Variants in WWOX observed in about 807,000 individuals in gnomAD.
WWOX encodes the protein WW domain containing oxidoreductase.
Under a neutral mutation model 46.2 loss-of-function variants are expected in WWOX, and 69 were observed. The observed-to-expected ratio is 1.49, with a 90% confidence interval of 1.23 to 1.82. WWOX has a LOEUF of 1.82. Ranked by LOEUF, WWOX falls within the 40% of genes most tolerant of loss-of-function variation. The pLI, the probability that WWOX is intolerant of heterozygous loss-of-function variation, is 0.00. For synonymous variants in WWOX, 359 were observed against 202.6 expected (o/e 1.77, Z -6.56); for missense variants, 919 against 542.6 (o/e 1.69, Z -6.89).
intron 7 of WWOX, among the ~76,000 whole-genome samples, chr16:78,428,335 G>T (rs190726911): frequency 6.6e-6 from 1 of 152,210 alleles, no homozygotes; most frequent in African/African-American, 2.4e-5. Flanking sequence ...TCAGGAAGCC[G>T]TTTCTGGCTC....
At chr16:78,840,508 C>G (rs1034980483) in intron 8 of WWOX, among the ~76,000 whole-genome samples, 1 of 152,152 alleles carries the variant, frequency 6.6e-6, no homozygotes, top group African/African-American at 2.4e-5. Context: ...TATGTAGTGT[C>G]TACAGAGCCA....
intron 8 of WWOX, among the ~76,000 whole-genome samples, chr16:78,738,267 ATAT>A (rs2049135295): frequency 6.6e-6 from 1 of 152,106 alleles, no homozygotes; most frequent in African/African-American, 2.4e-5. Flanking sequence ...CCCCTTTCTA[ATAT>A]TATATATTAG....
chr16:78,760,293 A>G (rs964986114), intron 8 of WWOX, among the ~76,000 whole-genome samples: 1 of 152,190 alleles, frequency 6.6e-6, no homozygotes, highest in African/African-American at 2.4e-5. Context: ...TGATTCAATT[A>G]TCTCCCACCA....
chr16:78,290,130 T>G, intron 5 of WWOX, among the ~76,000 whole-genome samples: 1 of 152,192 alleles, frequency 6.6e-6, no homozygotes, highest in East Asian at 1.9e-4. Context: ...TGACAGTGTC[T>G]TTAGTGCATT....
At chr16:78,882,935 C>T (rs2044374510) in intron 8 of WWOX, among the ~76,000 whole-genome samples, 1 of 151,942 alleles carries the variant, frequency 6.6e-6, no homozygotes, top group Admixed American at 6.6e-5. Context: ...CAGGAACCGG[C>T]ACCAGCGATG....
At chr16:79,049,053 G>A (rs1297103162) in intron 8 of WWOX, among the ~76,000 whole-genome samples, 1 of 152,200 alleles carries the variant, frequency 6.6e-6, no homozygotes, top group South Asian at 2.1e-4. Flanking sequence ...AAAGCGACAA[G>A]GTTTCTATCC....
At chr16:78,571,673 A>G (rs912573719) in intron 8 of WWOX, among the ~76,000 whole-genome samples, 1 of 152,188 alleles carries the variant, frequency 6.6e-6, no homozygotes, top group Non-Finnish European at 1.5e-5. Context: ...GCTCCAGACC[A>G]GCCTGGCCAA....
At chr16:78,450,169 A>G (rs8062267) in intron 8 of WWOX, among the ~76,000 whole-genome samples, 8,052 of 152,280 alleles carry the variant, frequency 0.053, 376 homozygotes, top group African/African-American at 0.12. Flanking sequence ...GCAAAATTCA[A>G]ATTTCCCCTA....
chr16:78,691,320 C>A (rs1329793315), intron 8 of WWOX: 1 of 700,132 alleles, frequency 1.4e-6, no homozygotes, highest in Non-Finnish European at 2.6e-6. Flanking sequence ...AAAAGATTTA[C>A]AATTATTTCA....
intron 8 of WWOX, among the ~76,000 whole-genome samples, chr16:78,538,165 C>G (rs1425149665): frequency 2.1e-5 from 3 of 141,284 alleles, no homozygotes; most frequent in Admixed American, 1.5e-4. Context: ...AGTCCATTCT[C>G]TAGCCTTCTG....
intron 5 of WWOX, among the ~76,000 whole-genome samples, chr16:78,265,476 C>T (rs951694638): frequency 4.6e-5 from 7 of 151,782 alleles, no homozygotes; most frequent in African/African-American, 1.7e-4. Flanking sequence ...GTCAGGAGTT[C>T]GAGACCAGCC....
At chr16:79,180,851 C>G (rs541524918) in intron 8 of WWOX, among the ~76,000 whole-genome samples, 3 of 152,152 alleles carry the variant, frequency 2.0e-5, no homozygotes, top group East Asian at 3.9e-4. Flanking sequence ...TGCAAGAAAC[C>G]TTGACAAAAT....
chr16:78,449,274 A>G (rs1354850315), intron 8 of WWOX, among the ~76,000 whole-genome samples: 2 of 152,192 alleles, frequency 1.3e-5, no homozygotes. Flanking sequence ...GTAAAATGAA[A>G]GTCACAGTTC....
intron 8 of WWOX, among the ~76,000 whole-genome samples, chr16:79,187,305 C>T (rs181323356): frequency 5.9e-5 from 9 of 152,264 alleles, no homozygotes; most frequent in South Asian, 2.1e-4. Flanking sequence ...GAAAGAATAT[C>T]GTGGTGCCCC....
At chr16:78,653,536 A>G (rs2047012512) in intron 8 of WWOX, among the ~76,000 whole-genome samples, 3 of 152,252 alleles carry the variant, frequency 2.0e-5, no homozygotes, top group Non-Finnish European at 2.9e-5. Flanking sequence ...TCCTACTCCT[A>G]AAAGAGATAC....
At position 78,164,186 on chromosome 16, in the gene WWOX, T is replaced by C. The variant is rs1426341113; in HGVS notation, c.413T>C (p.Phe138Ser). ...TTGACTTTCCTTTAAACCATAGGGT[T>C]CGAAACCGCCAAGTCTTTTGCCCTC... ...VVTGANSGIG[F>S]ETAKSFALHG... Residue 138 changes from phenylalanine (F) to serine (S), a missense_variant, in exon 5 of 9, where the codon TTC becomes TCC. Phe to Ser is a radical substitution (Grantham distance 155). Coordinates refer to ENST00000566780, the MANE Select transcript of WWOX (RefSeq NM_016373.4). 6.2e-7 allele frequency: 1 copy of C among 1,613,888 alleles called. No homozygotes were observed. Among genetic ancestry groups the C allele is most frequent in the South Asian group, 1.1e-5 (1 of 90,934 alleles).
At chr16:79,019,157 C>CAA (rs903333994) in intron 8 of WWOX, among the ~76,000 whole-genome samples, 304 of 24,534 alleles carry the variant, frequency 0.012, 17 homozygotes, top group African/African-American at 0.024. Flanking sequence ...GACCTTGTCT[C>CAA]AAAAAAAAAA....
At chr16:78,205,967 C>T (rs1306076613) in intron 5 of WWOX, among the ~76,000 whole-genome samples, 1 of 151,392 alleles carries the variant, frequency 6.6e-6, no homozygotes, top group Non-Finnish European at 1.5e-5. Context: ...TTTCCTCCCT[C>T]CCTTTCTTTC....
rs117144701 is a variant in WWOX at position 79,195,690 on chromosome 16, G to A, written c.1057-15918G>A. On this transcript the variant is annotated intron_variant, in intron 8 of 8. Coordinates refer to ENST00000566780, the MANE Select transcript of WWOX (RefSeq NM_016373.4). ...GTAAGCCAGCTTGTCTAGACCGGGA[G>A]CTAGCTCCTTGTGAAGGAATGGCAA... is the stretch of plus-strand genomic sequence containing the variant. Among the ~76,000 whole-genome samples the A allele has an allele frequency of 5.1e-3, 778 of 152,334 alleles. 6 individuals carry two copies. The highest frequency in any genetic ancestry group is 0.02 in the Middle Eastern group (6 of 294).
Sources: gnomAD v4.1 joint callset for allele counts (sites outside exome capture counted in the v4.1 genomes callset) on GRCh38, gnomAD v4.1.1 for gene constraint, MANE v1.5 for transcripts, NCBI Gene and HGNC (gene_info 2026-07-23, HGNC 2026-07-21) for gene names.